The following IQCH variants were observed in gnomAD, a reference collection of about 807,000 sequenced individuals.
The protein encoded by IQCH is IQ motif containing H.
IQCH carries 98 observed loss-of-function variants against 117.0 expected under a neutral mutation model. The observed-to-expected ratio is 0.84, with a 90% CI of 0.71 to 0.99. IQCH has a LOEUF of 0.99. IQCH is among the 50% of genes least tolerant of loss of function. IQCH has a pLI of 0.00. For missense variants in IQCH, 1,102 were observed against 1,243.8 expected, an observed-to-expected ratio of 0.89 and a Z score of 1.72; for synonymous variants, 412 against 448.2, an observed-to-expected ratio of 0.92 and a Z score of 1.02.
rs575400231 is a variant in IQCH at position 67,479,916 on chromosome 15, T to C, written c.2799+4098T>C. ...ATCACTCTATGAGTTTATTTTTCCT[T>C]GACACATATGGGAAGGGAGCATTGC... is the stretch of plus-strand genomic sequence containing the variant. On this transcript the variant is annotated intron_variant, in intron 18 of 20. Coordinates refer to ENST00000335894, the MANE Select transcript of IQCH (RefSeq NM_001031715.3). The surrounding 1 kb of genome is among the most constrained non-coding windows in gnomAD (Gnocchi z 4.6). Among the ~76,000 whole-genome samples the C allele has an allele frequency of 5.8e-4, 89 of 152,348 alleles. No homozygotes were observed. Among genetic ancestry groups the C allele is most frequent in the African/African-American group, 2.1e-3 (86 of 41,588 alleles).
intron 18 of IQCH, among the ~76,000 whole-genome samples, chr15:67,487,389 G>A (rs969100438): frequency 2.0e-5 from 3 of 150,782 alleles, no homozygotes; most frequent in Non-Finnish European, 4.4e-5. Flanking sequence ...ATTAGGGTAA[G>A]GCAAGTGAGG....
intron 5 of IQCH, among the ~76,000 whole-genome samples, chr15:67,337,472 A>C (rs923485535): frequency 1.2e-4 from 18 of 152,336 alleles, no homozygotes; most frequent in African/African-American, 3.8e-4. Context: ...CCCTATTATA[A>C]GGAAATATGA....
At chr15:67,351,777 A>G (rs1238235535) in intron 6 of IQCH, among the ~76,000 whole-genome samples, 1 of 152,194 alleles carries the variant, frequency 6.6e-6, no homozygotes, top group Non-Finnish European at 1.5e-5. Context: ...GTCTGTTAAT[A>G]TAGCCACATC....
chr15:67,462,435 A>T (rs1282076247), intron 16 of IQCH, among the ~76,000 whole-genome samples: 2 of 151,686 alleles, frequency 1.3e-5, no homozygotes, highest in Admixed American at 1.3e-4. Flanking sequence ...CTCAAAAAAA[A>T]AAAAAAGAAA....
chr15:67,469,665 G>A (rs2083020973), intron 17 of IQCH, among the ~76,000 whole-genome samples: 1 of 152,190 alleles, frequency 6.6e-6, no homozygotes, highest in African/African-American at 2.4e-5. Context: ...ATATAAGGGT[G>A]AGTAGCAAAG....
chr15:67,265,914 C>T (rs987432261), intron 3 of IQCH, among the ~76,000 whole-genome samples: 1 of 152,148 alleles, frequency 6.6e-6, no homozygotes, highest in Non-Finnish European at 1.5e-5. Context: ...GGTTCCTTAA[C>T]AAAGTCCTTA....
intron 10 of IQCH, chr15:67,373,996 A>G (rs1031130552): frequency 1.3e-5 from 2 of 155,282 alleles, no homozygotes; most frequent in African/African-American, 4.8e-5. Flanking sequence ...CACTTAAATA[A>G]TCTGCAGTTT....
rs531625814 is a variant in IQCH at position 67,424,984 on chromosome 15, C to T, written c.2505+3407C>T. 4.6e-5 allele frequency among the ~76,000 whole-genome samples: 7 copies of T among 152,226 alleles called. No homozygotes were observed. Among genetic ancestry groups the T allele is most frequent in the South Asian group, 2.1e-4 (1 of 4,826 alleles). ...GACATGCCTTGTGATGCCATTGAAG[C>T]GACTGGCAGGCATATTATCAACCTC... On this transcript the variant is annotated intron_variant, in intron 16 of 20. Coordinates refer to ENST00000335894, the MANE Select transcript of IQCH (RefSeq NM_001031715.3). The surrounding 1 kb of genome is among the most constrained non-coding windows in gnomAD (Gnocchi z 4.9).
chr15:67,263,435 T>C (rs1965540012), intron 3 of IQCH, among the ~76,000 whole-genome samples: 1 of 152,046 alleles, frequency 6.6e-6, no homozygotes, highest in Admixed American at 6.5e-5. Flanking sequence ...GACTACACCA[T>C]CAACAGTAGA....
intron 4 of IQCH, among the ~76,000 whole-genome samples, chr15:67,333,714 A>AATATGATT (rs1472125300): frequency 5.9e-5 from 9 of 152,292 alleles, no homozygotes; most frequent in African/African-American, 2.2e-4. Flanking sequence ...GGCTGATGGG[A>AATATGATT]ATATGATTGC....
chr15:67,336,863 A>G (rs1203715096), intron 4 of IQCH, 112 bp from the exon 5 acceptor site: 9 of 1,012,874 alleles, frequency 8.9e-6, no homozygotes, highest in Non-Finnish European at 1.3e-5. Flanking sequence ...TGATATTGCT[A>G]CTTTATTAAA....
chr15:67,367,947 C>A (rs969393354), intron 8 of IQCH, among the ~76,000 whole-genome samples: 16 of 152,276 alleles, frequency 1.1e-4, no homozygotes, highest in African/African-American at 3.8e-4. Flanking sequence ...TGATCTTGGG[C>A]AAGTCATTTA....
intron 16 of IQCH, among the ~76,000 whole-genome samples, chr15:67,460,975 C>CA (rs1389738164): frequency 6.6e-6 from 1 of 152,228 alleles, no homozygotes; most frequent in Non-Finnish European, 1.5e-5. Context: ...CATGCCCACT[C>CA]ATAGTACTTT....
At chr15:67,305,156 T>G (rs1364338524) in intron 4 of IQCH, among the ~76,000 whole-genome samples, 1 of 152,126 alleles carries the variant, frequency 6.6e-6, no homozygotes, top group Non-Finnish European at 1.5e-5. Flanking sequence ...ATCTCTATTT[T>G]TTTAAATACA....
intron 13 of IQCH, among the ~76,000 whole-genome samples, chr15:67,399,716 C>T (rs1339854846): frequency 2.0e-5 from 3 of 152,196 alleles, no homozygotes; most frequent in African/African-American, 7.2e-5. Flanking sequence ...AAGACTGTAA[C>T]TCTTTCTAGT....
chr15:67,255,291 T>C (rs1194950053), intron 1 of IQCH: 1 of 337,724 alleles, frequency 3.0e-6, no homozygotes. Context: ...ACGTCGGGAG[T>C]GGAGGAGAGA....
In IQCH at chr15:67,460,902, T is replaced by A. The variant is rs924213160; in HGVS notation, c.2506-4225T>A. Among the ~76,000 whole-genome samples the A allele has an allele frequency of 9.2e-5, 14 of 152,334 alleles. 1 individual carries two copies. Among genetic ancestry groups the A allele is most frequent in the African/African-American group, 1.7e-4 (7 of 41,576 alleles). On this transcript the variant is annotated intron_variant, in intron 16 of 20. Transcript: ENST00000335894. ...TCAATTAACCTGTCAAGCCAGTTAT[T>A]ATAAGTCATCATAAGTCATGTCAAA...
chr15:67,348,813 T>C (rs1481029719), intron 6 of IQCH, among the ~76,000 whole-genome samples: 1 of 152,130 alleles, frequency 6.6e-6, no homozygotes, highest in East Asian at 1.9e-4. Flanking sequence ...CTAGTACAAT[T>C]GTGAAAAAGG....
intron 6 of IQCH, among the ~76,000 whole-genome samples, chr15:67,354,288 A>T (rs1969793665): frequency 6.6e-6 from 1 of 152,208 alleles, no homozygotes; most frequent in Admixed American, 6.5e-5. Flanking sequence ...GTTCAACATC[A>T]GAAAAATTTA....
Sources: allele counts gnomAD v4.1 joint callset (sites outside exome capture counted in the v4.1 genomes callset), GRCh38; gene constraint gnomAD v4.1.1; non-coding constraint Gnocchi (gnomAD v3.1); transcripts MANE v1.5; gene names NCBI Gene and HGNC (gene_info 2026-07-23, HGNC 2026-07-21).